The following VRK2 variants were observed in gnomAD, a reference collection of about 807,000 sequenced individuals.
VRK2 encodes the protein serine/threonine-protein kinase VRK2.
In VRK2, 60 loss-of-function variants were observed where a neutral mutation model predicts 57.6. The observed-to-expected ratio is 1.04, with a 90% CI of 0.85 to 1.29. VRK2 has a LOEUF of 1.29. VRK2 is among the 50% of genes most tolerant of loss of function. The pLI is 0.00. For missense variants in VRK2, 705 were observed against 588.1 expected (o/e 1.20, Z -2.06); for synonymous variants, 231 against 199.2 (o/e 1.16, Z -1.35).
chr2:57,941,313 T>C (rs1486216812), intron 1 of VRK2, among the ~76,000 whole-genome samples: 1 of 152,172 alleles, frequency 6.6e-6, no homozygotes, highest in Non-Finnish European at 1.5e-5. Flanking sequence ...TACATGAATA[T>C]TGACACTATG....
chr2:57,945,610 T>C (rs919536131), intron 1 of VRK2, among the ~76,000 whole-genome samples: 1 of 151,874 alleles, frequency 6.6e-6, no homozygotes, highest in Non-Finnish European at 1.5e-5. Flanking sequence ...TAAATGAATA[T>C]TTAAAAAAAT....
chr2:58,112,500 T>G (rs1225572541), intron 7 of VRK2, among the ~76,000 whole-genome samples: 1 of 151,928 alleles, frequency 6.6e-6, no homozygotes, highest in Non-Finnish European at 1.5e-5. Context: ...AATTGTAGTC[T>G]GTAGGGGTGG....
chr2:57,955,373 A>C (rs1224915614), intron 1 of VRK2, among the ~76,000 whole-genome samples: 1 of 152,184 alleles, frequency 6.6e-6, no homozygotes, highest in Non-Finnish European at 1.5e-5. Context: ...GCAAACACAT[A>C]AATATATCTC....
intron 1 of VRK2, among the ~76,000 whole-genome samples, chr2:58,008,219 C>T (rs1463454541): frequency 6.6e-6 from 1 of 151,910 alleles, no homozygotes; most frequent in East Asian, 1.9e-4. Context: ...GTCAATTACA[C>T]TAGGGTCAAA....
intron 2 of VRK2, among the ~76,000 whole-genome samples, chr2:58,061,672 A>G (rs1452457647): frequency 6.6e-6 from 1 of 152,046 alleles, no homozygotes; most frequent in Non-Finnish European, 1.5e-5. Flanking sequence ...TATATAGGGT[A>G]AAAGGTTAGT....
At chr2:58,058,283 C>T in intron 2 of VRK2, 1 of 450,262 alleles carries the variant, frequency 2.2e-6, no homozygotes, top group Non-Finnish European at 4.6e-6. Context: ...GATGAATTTG[C>T]CTTTTAATAG....
chr2:58,080,654 GA>G (rs1254548104), intron 2 of VRK2, among the ~76,000 whole-genome samples: 1 of 151,422 alleles, frequency 6.6e-6, no homozygotes, highest in African/African-American at 2.4e-5. Context: ...ATTTGGTTTT[GA>G]AAATATTTGT....
At chr2:58,017,285 A>C (rs946047154) in intron 1 of VRK2, among the ~76,000 whole-genome samples, 1 of 152,282 alleles carries the variant, frequency 6.6e-6, no homozygotes, top group South Asian at 2.1e-4. Flanking sequence ...AGTGAATACT[A>C]TTGCACCAGT....
Position 57,933,321 on chromosome 2 carries a change from T to TC in VRK2, c.-439+25482_-439+25483insC, listed in dbSNP as rs1670798811. On this transcript the variant is annotated intron_variant, in intron 1 of 15. Transcript: ENST00000417641. ...TTTCTTTCTTTTTCTTTTTTTTTTT[T>TC]TTTTTTTTTTGAGGCAGTATCTCAC... Among the ~76,000 whole-genome samples, 7 of 135,658 alleles carry TC rather than the reference T, an allele frequency of 5.2e-5. 1 individual carries two copies. The highest frequency in any genetic ancestry group is 5.1e-4 in the Admixed American group (7 of 13,846). 89.0% of individuals were successfully genotyped at this position (135,658 alleles called of 152,430 possible). A position where few individuals can be genotyped will look rare whatever the true frequency, so the allele number is the denominator to read the frequency against.
intron 1 of VRK2, among the ~76,000 whole-genome samples, chr2:57,920,829 T>A (rs1273613876): frequency 6.6e-6 from 1 of 152,086 alleles, no homozygotes; most frequent in African/African-American, 2.4e-5. Flanking sequence ...TCCGGCTGGG[T>A]GTAGGTGGCT....
intron 2 of VRK2, among the ~76,000 whole-genome samples, chr2:58,060,293 C>T (rs1303589713): frequency 6.6e-6 from 1 of 151,790 alleles, no homozygotes; most frequent in Non-Finnish European, 1.5e-5. Context: ...AGCTTTTGAG[C>T]AAGATAAATC....
intron 1 of VRK2, among the ~76,000 whole-genome samples, chr2:57,957,285 A>T (rs1222130735): frequency 6.6e-6 from 1 of 152,276 alleles, no homozygotes; most frequent in South Asian, 2.1e-4. Context: ...TCTTGTAAAA[A>T]GATACATTTT....
intron 1 of VRK2, among the ~76,000 whole-genome samples, chr2:57,998,016 A>C (rs1339234558): frequency 6.6e-6 from 1 of 152,222 alleles, no homozygotes; most frequent in Non-Finnish European, 1.5e-5. Context: ...TGATCAGAAC[A>C]CAAGTCTATA....
intron 7 of VRK2, among the ~76,000 whole-genome samples, chr2:58,103,828 A>G (rs569143926): frequency 9.5e-4 from 145 of 151,980 alleles, no homozygotes; most frequent in Non-Finnish European, 1.5e-3. Context: ...CCTGATGACC[A>G]TAGATGCAAA....
intron 1 of VRK2, among the ~76,000 whole-genome samples, chr2:57,967,555 C>G (rs1352786044): frequency 6.6e-6 from 1 of 151,786 alleles, no homozygotes; most frequent in Non-Finnish European, 1.5e-5. Flanking sequence ...TTCAATAAAT[C>G]AAGAAAATAA....
chr2:57,996,819 A>C (rs1451854976), intron 1 of VRK2, among the ~76,000 whole-genome samples: 1 of 152,094 alleles, frequency 6.6e-6, no homozygotes, highest in East Asian at 1.9e-4. Context: ...ATATGTTTTA[A>C]ATTATCTCTA....
chr2:57,998,198 T>G (rs1189305177), intron 1 of VRK2, among the ~76,000 whole-genome samples: 3 of 152,226 alleles, frequency 2.0e-5, no homozygotes, highest in African/African-American at 7.2e-5. Flanking sequence ...GTTTTAATTG[T>G]TACTATATGC....
At chr2:58,144,990 C>T (rs1681899844) in intron 11 of VRK2, among the ~76,000 whole-genome samples, 1 of 151,956 alleles carries the variant, frequency 6.6e-6, no homozygotes. Context: ...CAATGTAATT[C>T]ATTCTCTATT....
At chr2:58,136,981 C>A (rs1245970757) in intron 10 of VRK2, among the ~76,000 whole-genome samples, 2 of 127,176 alleles carry the variant, frequency 1.6e-5, no homozygotes, top group Non-Finnish European at 3.1e-5. Flanking sequence ...TATTATATAT[C>A]ATATATATGT....
Sources: allele counts gnomAD v4.1 joint callset (sites outside exome capture counted in the v4.1 genomes callset), GRCh38; gene constraint gnomAD v4.1.1; transcripts MANE v1.5; gene names NCBI Gene and HGNC (gene_info 2026-07-23, HGNC 2026-07-21).